IFT88: variants seen among roughly 807,000 people sequenced by gnomAD.
IFT88 encodes the protein intraflagellar transport 88, also known as intraflagellar transport protein 88 homolog.
A neutral mutation model predicts 119.5 loss-of-function variants in IFT88; 74 were observed. The ratio of observed to expected loss-of-function variants is 0.62; its 90% CI spans 0.51 to 0.75. The LOEUF is 0.75. Ranked by LOEUF, IFT88 falls within the 30% of genes least tolerant of loss-of-function variation. The probability of loss-of-function intolerance (pLI) is 0.00; values close to 1 mark genes in which losing one functional copy is unlikely to be tolerated. For synonymous variants in IFT88, 279 were observed against 316.7 expected (o/e 0.88, Z 1.26); for missense variants, 961 against 977.7 (o/e 0.98, Z 0.23).
At chr13:20,655,500 T>G (rs2052615715) in intron 21 of IFT88, among the ~76,000 whole-genome samples, 2 of 151,970 alleles carry the variant, frequency 1.3e-5, no homozygotes, top group South Asian at 4.1e-4. Flanking sequence ...ATTCATTCAT[T>G]CATTCATTTT....
chr13:20,575,894 A>G (rs1049064410), intron 2 of IFT88, among the ~76,000 whole-genome samples: 19 of 152,144 alleles, frequency 1.2e-4, no homozygotes, highest in African/African-American at 4.6e-4. Context: ...TAGCAGTGGG[A>G]TTGTTGGATC....
chr13:20,662,421 GA>G (rs1169029315), intron 22 of IFT88, among the ~76,000 whole-genome samples: 2 of 152,010 alleles, frequency 1.3e-5, no homozygotes, highest in Non-Finnish European at 2.9e-5. Context: ...CCAGTCAATA[GA>G]AAAAGAGGGA....
At chr13:20,677,628 G>A (rs2056838457) in intron 24 of IFT88, among the ~76,000 whole-genome samples, 1 of 152,284 alleles carries the variant, frequency 6.6e-6, no homozygotes, top group Non-Finnish European at 1.5e-5. Flanking sequence ...AGGTCCCAAA[G>A]TTATTGTCTG....
At chr13:20,630,753 C>G (rs1051883499) in intron 15 of IFT88, among the ~76,000 whole-genome samples, 5 of 152,160 alleles carry the variant, frequency 3.3e-5, no homozygotes, top group Non-Finnish European at 7.4e-5. Flanking sequence ...GGTCTCTCTT[C>G]AGCTGTATCT....
intron 18 of IFT88, chr13:20,642,386 T>A (rs886111270): frequency 6.6e-6 from 1 of 152,138 alleles, no homozygotes; most frequent in African/African-American, 2.4e-5. Flanking sequence ...GGCGGATCAT[T>A]TGAAGTCAGG....
chr13:20,624,698 G>T (rs2047033049), intron 14 of IFT88, among the ~76,000 whole-genome samples: 3 of 152,074 alleles, frequency 2.0e-5, no homozygotes, highest in Non-Finnish European at 4.4e-5. Context: ...TTAATAATTA[G>T]TTCAGTCCAT....
In IFT88 at chr13:20,592,326, G is replaced by C; in HGVS notation, c.329-9G>C. On this transcript the variant is annotated splice_polypyrimidine_tract_variant and intron_variant, in intron 6 of 25. Coordinates refer to ENST00000351808, the MANE Select transcript of IFT88 (RefSeq NM_006531.5). ...CAAATTGAATATTAACTCTTGAATT[G>C]TGTCTCAGGCTCTGCATTTGACCCC... is the stretch of plus-strand genomic sequence containing the variant. The C allele has an allele frequency of 6.2e-7, 1 of 1,602,732 alleles. No homozygotes were observed. Among genetic ancestry groups the C allele is most frequent in the East Asian group, 2.2e-5 (1 of 44,696 alleles).
At chr13:20,683,612 A>G (rs2057562550) in intron 24 of IFT88, among the ~76,000 whole-genome samples, 1 of 152,222 alleles carries the variant, frequency 6.6e-6, no homozygotes. Context: ...TGAATTGGCC[A>G]TGCGGATGGC....
intron 2 of IFT88, among the ~76,000 whole-genome samples, chr13:20,574,800 T>G (rs1020910085): frequency 2.6e-5 from 4 of 152,220 alleles, no homozygotes; most frequent in African/African-American, 9.6e-5. Context: ...ATTTTAAAGT[T>G]GAAATGTCTT....
At chr13:20,575,708 G>A (rs1404747071) in intron 2 of IFT88, among the ~76,000 whole-genome samples, 1 of 152,162 alleles carries the variant, frequency 6.6e-6, no homozygotes, top group Non-Finnish European at 1.5e-5. Flanking sequence ...GCAGAACGAT[G>A]AGCCAATCAA....
At chr13:20,658,849 C>T (rs1162831749) in intron 22 of IFT88, among the ~76,000 whole-genome samples, 2 of 152,096 alleles carry the variant, frequency 1.3e-5, no homozygotes, top group South Asian at 2.1e-4. Context: ...TGCACCGGAC[C>T]GGAAAAGCGA....
At chr13:20,592,250 A>G (rs967996023) in intron 6 of IFT88, 85 bp from the exon 7 acceptor site, 14 of 944,166 alleles carry the variant, frequency 1.5e-5, no homozygotes, top group Admixed American at 2.3e-5. Context: ...TAAATGAAAT[A>G]GCTTATGCGA....
chr13:20,599,527 G>T lies in IFT88; in HGVS notation c.774G>T (p.Met258Ile). 1 of 1,550,752 alleles carries T rather than the reference G, an allele frequency of 6.4e-7. No homozygotes were observed. Among genetic ancestry groups the T allele is most frequent in the South Asian group, 1.2e-5 (1 of 84,404 alleles). The change falls in exon 11 of 26, where the codon ATG becomes ATT. Residue 258 changes from methionine to isoleucine, a missense_variant. Met to Ile is a conservative substitution (Grantham distance 10, BLOSUM62 1). Transcript: ENST00000351808. ...NYSKAIKFYR[M>I]ALDQVPSVNK... ...CCAAAGCCATTAAATTCTACCGAAT[G>T]GCATTAGACCAAGTTCCAAGTGTCA... is the stretch of plus-strand genomic sequence containing the variant.
At chr13:20,608,650 C>G (rs1271739320) in intron 13 of IFT88, among the ~76,000 whole-genome samples, 2 of 152,122 alleles carry the variant, frequency 1.3e-5, no homozygotes, top group Non-Finnish European at 2.9e-5. Flanking sequence ...TGCATAGGAC[C>G]AACAGGGTCA....
At chr13:20,680,731 C>T (rs941167842) in intron 24 of IFT88, among the ~76,000 whole-genome samples, 2 of 152,198 alleles carry the variant, frequency 1.3e-5, no homozygotes, top group Non-Finnish European at 2.9e-5. Context: ...CCCAAAATCT[C>T]TTCCTTGGCA....
At chr13:20,680,604 A>G (rs1008946485) in intron 24 of IFT88, among the ~76,000 whole-genome samples, 1 of 152,190 alleles carries the variant, frequency 6.6e-6, no homozygotes, top group Admixed American at 6.5e-5. Context: ...ATCTGTGTCA[A>G]CTTCTTGATC....
intron 24 of IFT88, among the ~76,000 whole-genome samples, chr13:20,690,429 T>A (rs1345047606): frequency 2.0e-5 from 3 of 152,226 alleles, no homozygotes; most frequent in Non-Finnish European, 2.9e-5. Context: ...TTACTTTCTC[T>A]TAAGTTCTTC....
At chr13:20,607,384 G>A (rs2043672206) in intron 13 of IFT88, 3 of 603,962 alleles carry the variant, frequency 5.0e-6, no homozygotes, top group Non-Finnish European at 9.6e-6. Flanking sequence ...AGGCCACCAT[G>A]CCCATTTGGG....
At chr13:20,606,882 AAAAAT>A (rs1412702947) in intron 13 of IFT88, among the ~76,000 whole-genome samples, 2 of 152,144 alleles carry the variant, frequency 1.3e-5, no homozygotes, top group Admixed American at 6.5e-5. Context: ...CTCCATCTCA[AAAAAT>A]AAAATAAATA....
Sources: allele counts gnomAD v4.1 joint callset (sites outside exome capture counted in the v4.1 genomes callset), GRCh38; gene constraint gnomAD v4.1.1; transcripts MANE v1.5; gene names NCBI Gene and HGNC (gene_info 2026-07-23, HGNC 2026-07-21).